The following H1-6 variants were observed in gnomAD, a reference collection of about 807,000 sequenced individuals.
H1-6 encodes the protein histone H1t.
For missense variants in H1-6, 538 were observed against 246.5 expected (o/e 2.18, Z -7.92); for synonymous variants, 225 against 100.1 (o/e 2.25, Z -7.45).
chr6:26,107,955 A>C lies in H1-6; in HGVS notation c.139T>G (p.Leu47Val). The change falls in exon 1 of 1, where the codon TTG becomes GTG. Residue 47 changes from leucine to valine, a missense_variant. Physicochemically the swap from Leu to Val is conservative, Grantham distance 32. Transcript: ENST00000338379. ...RKVPNLSVSK[L>V]ITEALSVSQE... Reference sequence around the variant, plus strand: ...GACACTGAAAGGGCCTCGGTGATCAACTTGGACACAGAGAGGTTCGGCACT... The same window carrying C: ...GACACTGAAAGGGCCTCGGTGATCACCTTGGACACAGAGAGGTTCGGCACT... 1 of 1,614,224 alleles carries C rather than the reference A, an allele frequency of 6.2e-7. No individual in the cohort carries two copies. Among genetic ancestry groups the C allele is most frequent in the South Asian group, 1.1e-5 (1 of 91,090 alleles).
chr6:26,107,540 G>A lies in H1-6; in HGVS notation c.554C>T (p.Ala185Val). Residue 185 changes from alanine (A) to valine (V), a missense_variant, in exon 1 of 1, where the codon GCA (alanine) becomes GTA (valine). Ala to Val is a moderately conservative substitution (Grantham distance 64, BLOSUM62 0). Transcript: ENST00000338379. ...GGTCAATTTTGACTTCGAAGCCCTTGCCTTCACTGGGCTCTTCTGCTGTTG... is the reference window on the plus strand; with the variant it reads ...GGTCAATTTTGACTTCGAAGCCCTTACCTTCACTGGGCTCTTCTGCTGTTG... ...GKQQQKSPVKARASKSKLTQH... is the reference protein window; with the variant it reads ...GKQQQKSPVKVRASKSKLTQH... 6.2e-7 allele frequency: 1 copy of A among 1,613,456 alleles called. No homozygotes were observed. The highest frequency in any genetic ancestry group is 8.5e-7 in the Non-Finnish European group (1 of 1,179,684).
rs779293182 is a variant in H1-6 at position 26,107,666 on chromosome 6, G to A, written c.428C>T (p.Ser143Leu). ...KKLVLSRDSK[S>L]PKTAKTNKRA... ...CTTATTGGTTTTAGCAGTCTTTGGT[G>A]ACTTGGAGTCCCTGGATAAAACCAG... Residue 143 changes from serine to leucine, a missense_variant, in exon 1 of 1, where the codon TCA (serine) becomes TTA (leucine). Transcript: ENST00000338379. 13 of 1,614,090 alleles carry A rather than the reference G, an allele frequency of 8.1e-6. No individual in the cohort carries two copies. Among genetic ancestry groups the A allele is most frequent in the Non-Finnish European group, 1.1e-5 (13 of 1,179,994 alleles).
rs766166026 is a variant in H1-6 at position 26,107,552 on chromosome 6, C to T, written c.542G>A (p.Ser181Asn). Reference protein sequence around the residue: ...KGAKGKQQQKSPVKARASKSK... With the variant: ...KGAKGKQQQKNPVKARASKSK... Reference sequence around the variant, plus strand: ...CTTCGAAGCCCTTGCCTTCACTGGGCTCTTCTGCTGTTGCTTACCCTTGGC... The same window carrying T: ...CTTCGAAGCCCTTGCCTTCACTGGGTTCTTCTGCTGTTGCTTACCCTTGGC... Residue 181 changes from serine (S) to asparagine (N), a missense_variant, in exon 1 of 1, where the codon AGC (serine) becomes AAC (asparagine). By Grantham distance (46) the Ser-to-Asn change is conservative. Coordinates refer to ENST00000338379, the MANE Select transcript of H1-6 (RefSeq NM_005323.4). 15 of 1,613,908 alleles carry T rather than the reference C, an allele frequency of 9.3e-6. No individual in the cohort carries two copies. Among genetic ancestry groups the T allele is most frequent in the Admixed American group, 8.3e-5 (5 of 59,976 alleles).
chr6:26,107,613 G>C lies in H1-6; in HGVS notation c.481C>G (p.Pro161Ala), dbSNP rs1292688890. Residue 161 changes from proline (P) to alanine (A), a missense_variant, in exon 1 of 1, where the codon CCT (proline) becomes GCT (alanine). By Grantham distance (27) the Pro-to-Ala change is conservative. Transcript: ENST00000338379. ...KRAKKPRATT[P>A]KTVRSGRKAK... is the part of the protein sequence containing the mutation. ...TTTCTCCCGCTCCTAACAGTTTTAG[G>C]AGTTGTCGCTCTCGGCTTCTTGGCT... 1.2e-6 allele frequency: 2 copies of C among 1,614,152 alleles called. No homozygotes were observed. Among genetic ancestry groups the C allele is most frequent in the Admixed American group, 1.7e-5 (1 of 60,014 alleles).
chr6:26,107,722 A>T lies in H1-6; in HGVS notation c.372T>A (p.Ala124=), dbSNP rs1352655567. ...KVIPKSTRSK[A]KKSVSAKTKK... is the part of the protein sequence containing the mutation. ...TGGTCTTGGCAGAAACTGACTTTTT[A>T]GCCTTGCTTCTGGTAGATTTAGGAA... is the stretch of plus-strand genomic sequence containing the variant. The change falls in exon 1 of 1, where the codon GCT becomes GCA. Residue 124 remains alanine (A), a synonymous_variant. Coordinates refer to ENST00000338379, the MANE Select transcript of H1-6 (RefSeq NM_005323.4). 2.5e-6 allele frequency: 4 copies of T among 1,614,146 alleles called. No individual in the cohort carries two copies. The highest frequency in any genetic ancestry group is 4.5e-5 in the East Asian group (2 of 44,888).
rs141133387 is a variant in H1-6, at chr6:26,107,952, T to C, written c.142A>G (p.Ile48Val). 571 of 1,614,040 alleles carry C rather than the reference T, an allele frequency of 3.5e-4. No individual in the cohort carries two copies. Among genetic ancestry groups the C allele is most frequent in the Non-Finnish European group, 4.3e-4 (508 of 1,180,050 alleles). ...KVPNLSVSKL[I>V]TEALSVSQER... is the part of the protein sequence containing the mutation. ...TGTGACACTGAAAGGGCCTCGGTGA[T>C]CAACTTGGACACAGAGAGGTTCGGC... is the stretch of plus-strand genomic sequence containing the variant. The change falls in exon 1 of 1, where the codon ATC becomes GTC. Residue 48 changes from isoleucine (I) to valine (V), a missense_variant. By Grantham distance (29) the Ile-to-Val change is conservative. Coordinates refer to ENST00000338379, the MANE Select transcript of H1-6 (RefSeq NM_005323.4).
rs201733307 is a variant in H1-6, at chr6:26,107,771, G to T, written c.323C>A (p.Ser108Tyr). 6.2e-7 allele frequency: 1 copy of T among 1,614,060 alleles called. No homozygotes were observed. The highest frequency in any genetic ancestry group is 8.5e-7 in the Non-Finnish European group (1 of 1,180,030). ...AATCACCTTCTTACTAAGCTTAAAG[G>T]AACCGGAAGCACCAGTACCCCTGGT... The part of the protein sequence containing the change: ...VQTRGTGASG[S>Y]FKLSKKVIPK... Residue 108 changes from serine (S) to tyrosine (Y), a missense_variant, in exon 1 of 1, where the codon TCC becomes TAC. Physicochemically the swap from Ser to Tyr is moderately radical, Grantham distance 144. Coordinates refer to ENST00000338379, the MANE Select transcript of H1-6 (RefSeq NM_005323.4).
At position 26,108,087 on chromosome 6, in the gene H1-6, C is replaced by T. The variant is rs1763312727; in HGVS notation, c.7G>A (p.Glu3Lys). MS[E>K]TVPAASASAG... ...CTGGCAGAAGCTGCAGGCACGGTTTCAGACATAACAACAGAGAAACGCAAG... is the reference window on the plus strand; with the variant it reads ...CTGGCAGAAGCTGCAGGCACGGTTTTAGACATAACAACAGAGAAACGCAAG... Residue 3 changes from glutamate (E) to lysine (K), a missense_variant, in exon 1 of 1, where the codon GAA (glutamate) becomes AAA (lysine). Glu to Lys is a moderately conservative substitution (Grantham distance 56, BLOSUM62 1). Transcript: ENST00000338379. 8 of 1,613,650 alleles carry T rather than the reference C, an allele frequency of 5.0e-6. No homozygotes were observed. Among genetic ancestry groups the T allele is most frequent in the African/African-American group, 1.3e-5 (1 of 74,900 alleles).
rs764461398 is a variant in H1-6, at chr6:26,107,848, G to A, written c.246C>T (p.Ser82=). The A allele has an allele frequency of 5.4e-5, 87 of 1,614,102 alleles. No homozygotes were observed. Among genetic ancestry groups the A allele is most frequent in the Admixed American group, 2.2e-4 (13 of 60,012 alleles). ...AGCTCTTGAGGGACAGTTTGATGCG[G>A]CTGTTATTCTTCTCTACGTCGTAGC... ...AAGYDVEKNN[S]RIKLSLKSLV... is the part of the protein sequence containing the mutation. Residue 82 remains serine, a synonymous_variant, in exon 1 of 1, where the codon AGC becomes AGT. Coordinates refer to ENST00000338379, the MANE Select transcript of H1-6 (RefSeq NM_005323.4).
chr6:26,107,793 T>TG lies in H1-6; in HGVS notation c.300dup (p.Arg101GlnfsTer10). The TG allele has an allele frequency of 1.2e-6, 2 of 1,614,222 alleles. No homozygotes were observed. Among genetic ancestry groups the TG allele is most frequent in the Non-Finnish European group, 1.7e-6 (2 of 1,180,020 alleles). ...AAGGAACCGGAAGCACCAGTACCCC[T>TG]GGTTTGCACCAGGATTCCCTTGTTC... On this transcript the variant is annotated frameshift_variant, in exon 1 of 1. Coordinates refer to ENST00000338379, the MANE Select transcript of H1-6 (RefSeq NM_005323.4). LOFTEE classifies it low-confidence loss of function (END_TRUNC).
rs1763303235 is a variant in H1-6, at chr6:26,107,964, C to G, written c.130G>C (p.Val44Leu). The G allele has an allele frequency of 6.2e-7, 1 of 1,614,116 alleles. No homozygotes were observed. The highest frequency in any genetic ancestry group is 8.5e-7 in the Non-Finnish European group (1 of 1,180,056). The change falls in exon 1 of 1, where the codon GTG (valine) becomes CTG (leucine). Residue 44 changes from valine to leucine, a missense_variant. Val to Leu is a conservative substitution (Grantham distance 32, BLOSUM62 1). Transcript: ENST00000338379. ...AGGGCCTCGGTGATCAACTTGGACA[C>G]AGAGAGGTTCGGCACTTTGCGACTT... ...SASRKVPNLSVSKLITEALSV... is the reference protein window; with the variant it reads ...SASRKVPNLSLSKLITEALSV...
In H1-6 at chr6:26,107,464, A is replaced by C. The variant is rs370226144; in HGVS notation, c.*6T>G. 19 of 1,574,342 alleles carry C rather than the reference A, an allele frequency of 1.2e-5. No individual in the cohort carries two copies. The highest frequency in any genetic ancestry group is 3.4e-4 in the Middle Eastern group (2 of 5,854). Reference sequence around the variant, plus strand: ...TTCTTTCCAAATTGGCCTCCCGGAAAGCTCTTTACTTCTTAGATGTGGCCT... The same window carrying C: ...TTCTTTCCAAATTGGCCTCCCGGAACGCTCTTTACTTCTTAGATGTGGCCT... On this transcript the variant is annotated 3_prime_UTR_variant, in exon 1 of 1. Transcript: ENST00000338379.
In H1-6 at chr6:26,107,921, C is replaced by A. The variant is rs763588642; in HGVS notation, c.173G>T (p.Arg58Leu). The change falls in exon 1 of 1, where the codon CGA (arginine) becomes CTA (leucine). Residue 58 changes from arginine to leucine, a missense_variant. By Grantham distance (102) the Arg-to-Leu change is moderately radical (BLOSUM62 -2). Coordinates refer to ENST00000338379, the MANE Select transcript of H1-6 (RefSeq NM_005323.4). ...GAGCGCAACCAAAGACATACCTACT[C>A]GTTCCTGTGACACTGAAAGGGCCTC... ...ITEALSVSQE[R>L]VGMSLVALKK... 2 of 1,614,186 alleles carry A rather than the reference C, an allele frequency of 1.2e-6. No individual in the cohort carries two copies. Among genetic ancestry groups the A allele is most frequent in the Non-Finnish European group, 1.7e-6 (2 of 1,180,034 alleles).
chr6:26,107,497 A>G lies in H1-6; in HGVS notation c.597T>C (p.Asn199=), dbSNP rs1477126834. The change falls in exon 1 of 1, where the codon AAT becomes AAC. Residue 199 remains asparagine, a synonymous_variant. Transcript: ENST00000338379. ...KSKLTQHHEV[N]VRKATSKK ...ACTTCTTAGATGTGGCCTTTCTAAC[A>G]TTAACTTCATGATGTTGGGTCAATT... 4.4e-6 allele frequency: 7 copies of G among 1,605,820 alleles called. No individual in the cohort carries two copies. The highest frequency in any genetic ancestry group is 4.0e-5 in the African/African-American group (3 of 74,204).
chr6:26,107,459 C>A lies in H1-6; in HGVS notation c.*11G>T. ...TTGGGTTCTTTCCAAATTGGCCTCC[C>A]GGAAAGCTCTTTACTTCTTAGATGT... On this transcript the variant is annotated 3_prime_UTR_variant, in exon 1 of 1. Coordinates refer to ENST00000338379, the MANE Select transcript of H1-6 (RefSeq NM_005323.4). 6.4e-7 allele frequency: 1 copy of A among 1,571,386 alleles called. No individual in the cohort carries two copies. The highest frequency in any genetic ancestry group is 1.2e-5 in the South Asian group (1 of 83,246).
chr6:26,108,014 C>A lies in H1-6; in HGVS notation c.80G>T (p.Arg27Met), dbSNP rs776612847. ...MEKLPTKKRG[R>M]KPAGLISASR... ...TGCACTTATCAAGCCAGCCGGCTTC[C>A]TCCCTCGCTTCTTGGTTGGAAGTTT... The change falls in exon 1 of 1, where the codon AGG becomes ATG. Residue 27 changes from arginine to methionine, a missense_variant. Arg to Met is a moderately conservative substitution (Grantham distance 91). Coordinates refer to ENST00000338379, the MANE Select transcript of H1-6 (RefSeq NM_005323.4). The A allele has an allele frequency of 1.2e-5, 19 of 1,614,104 alleles. No homozygotes were observed. Among genetic ancestry groups the A allele is most frequent in the Non-Finnish European group, 1.6e-5 (19 of 1,180,050 alleles).
rs771964688 is a variant in H1-6, at chr6:26,107,796, T to G, written c.298A>C (p.Thr100Pro). The change falls in exon 1 of 1, where the codon ACC (threonine) becomes CCC (proline). Residue 100 changes from threonine to proline, a missense_variant. Coordinates refer to ENST00000338379, the MANE Select transcript of H1-6 (RefSeq NM_005323.4). ...SLVNKGILVQ[T>P]RGTGASGSFK... ...GAACCGGAAGCACCAGTACCCCTGG[T>G]TTGCACCAGGATTCCCTTGTTCACT... 8 of 1,614,084 alleles carry G rather than the reference T, an allele frequency of 5.0e-6. No homozygotes were observed. In the Admixed American group the frequency reaches 5.0e-5, roughly 10 times the overall value.
In H1-6 at chr6:26,107,920, T is replaced by G; in HGVS notation, c.174A>C (p.Arg58=). The G allele has an allele frequency of 6.2e-7, 1 of 1,614,210 alleles. No individual in the cohort carries two copies. The highest frequency in any genetic ancestry group is 1.1e-5 in the South Asian group (1 of 91,090). ...ITEALSVSQE[R]VGMSLVALKK... Reference sequence around the variant, plus strand: ...TGAGCGCAACCAAAGACATACCTACTCGTTCCTGTGACACTGAAAGGGCCT... The same window carrying G: ...TGAGCGCAACCAAAGACATACCTACGCGTTCCTGTGACACTGAAAGGGCCT... Residue 58 remains arginine (R), a synonymous_variant, in exon 1 of 1, where the codon CGA becomes CGC. Transcript: ENST00000338379.
In H1-6 at chr6:26,107,766, T is replaced by TA. The variant is rs1763284207; in HGVS notation, c.327dup (p.Lys110Ter). On this transcript the variant is annotated frameshift_variant, in exon 1 of 1. Coordinates refer to ENST00000338379, the MANE Select transcript of H1-6 (RefSeq NM_005323.4). LOFTEE classifies it low-confidence loss of function (END_TRUNC). Reference sequence around the variant, plus strand: ...TTAGGAATCACCTTCTTACTAAGCTTAAAGGAACCGGAAGCACCAGTACCC... The same window carrying TA: ...TTAGGAATCACCTTCTTACTAAGCTTAAAAGGAACCGGAAGCACCAGTACCC... 2.5e-6 allele frequency: 4 copies of TA among 1,614,224 alleles called. No homozygotes were observed. The highest frequency in any genetic ancestry group is 3.4e-6 in the Non-Finnish European group (4 of 1,180,032).
Sources: gnomAD v4.1 joint callset for allele counts on GRCh38, gnomAD v4.1.1 for gene constraint, MANE v1.5 for transcripts, NCBI Gene and HGNC (gene_info 2026-07-23, HGNC 2026-07-21) for gene names.